The following USP49 variants were observed in gnomAD, a reference collection of about 807,000 sequenced individuals.
USP49 encodes ubiquitin specific peptidase 49.
In USP49, 24 loss-of-function variants were observed where a neutral mutation model predicts 58.6. The ratio of observed to expected loss-of-function variants is 0.41; its 90% CI spans 0.30 to 0.58. The LOEUF is 0.58. USP49 is among the 20% of genes least tolerant of loss of function. The pLI, the probability that USP49 is intolerant of heterozygous loss-of-function variation, is 0.30. For synonymous variants in USP49, 408 were observed against 365.1 expected, an observed-to-expected ratio of 1.12 and a Z score of -1.34; for missense variants, 703 against 866.1, an observed-to-expected ratio of 0.81 and a Z score of 2.36.
intron 3 of USP49, among the ~76,000 whole-genome samples, chr6:41,850,963 G>GA (rs574097023): frequency 4.0e-4 from 61 of 151,866 alleles, no homozygotes; most frequent in Non-Finnish European, 5.6e-4. Context: ...TAGAAAAGCT[G>GA]AAAAAAACCA....
chr6:41,846,772 C>A (rs1052352823), intron 3 of USP49, among the ~76,000 whole-genome samples: 3 of 152,024 alleles, frequency 2.0e-5, no homozygotes, highest in East Asian at 1.9e-4. Flanking sequence ...GGAGGAAACC[C>A]CCCCCATACT....
intron 2 of USP49, among the ~76,000 whole-genome samples, chr6:41,890,061 C>A (rs911283210): frequency 6.6e-6 from 1 of 152,154 alleles, no homozygotes; most frequent in Non-Finnish European, 1.5e-5. Flanking sequence ...ATGCTGGACA[C>A]CTAGTAAACA....
intron 1 of USP49, among the ~76,000 whole-genome samples, chr6:41,894,828 C>T (rs1269448966): frequency 2.0e-5 from 3 of 152,090 alleles, no homozygotes; most frequent in African/African-American, 7.2e-5. Flanking sequence ...CCTTGGCTGG[C>T]TTTTTCTCAC....
intron 2 of USP49, among the ~76,000 whole-genome samples, chr6:41,880,448 C>T (rs1774583726): frequency 1.3e-5 from 2 of 152,182 alleles, no homozygotes; most frequent in Admixed American, 1.3e-4. Flanking sequence ...CTCCAAGCGT[C>T]CAGCATAACA....
chr6:41,848,617 G>C (rs529215763), intron 3 of USP49, among the ~76,000 whole-genome samples: 1 of 152,114 alleles, frequency 6.6e-6, no homozygotes, highest in Non-Finnish European at 1.5e-5. Flanking sequence ...CCCGCACTTT[G>C]GGAGGCCAAG....
chr6:41,851,821 G>A (rs1052847096), intron 3 of USP49, among the ~76,000 whole-genome samples: 2 of 151,518 alleles, frequency 1.3e-5, no homozygotes, highest in African/African-American at 4.9e-5. Flanking sequence ...CAGGCATTGC[G>A]GCGGGCACCT....
intron 2 of USP49, among the ~76,000 whole-genome samples, chr6:41,890,228 C>A (rs1013088251): frequency 2.6e-5 from 4 of 151,204 alleles, no homozygotes; most frequent in Admixed American, 2.0e-4. Context: ...AAATACAAAA[C>A]CTTGGCTGGA....
intron 2 of USP49, among the ~76,000 whole-genome samples, chr6:41,878,341 C>T (rs1480558495): frequency 6.6e-6 from 1 of 152,126 alleles, no homozygotes; most frequent in Non-Finnish European, 1.5e-5. Flanking sequence ...TTTTAACTGA[C>T]AGCTTAATAA....
At chr6:41,881,137 T>C (rs1201752396) in intron 2 of USP49, among the ~76,000 whole-genome samples, 1 of 151,698 alleles carries the variant, frequency 6.6e-6, no homozygotes, top group Non-Finnish European at 1.5e-5. Context: ...TTTCACCATG[T>C]TGGCCAGGCT....
chr6:41,880,763 C>T (rs1774589909), intron 2 of USP49, among the ~76,000 whole-genome samples: 1 of 151,736 alleles, frequency 6.6e-6, no homozygotes, highest in Non-Finnish European at 1.5e-5. Flanking sequence ...ATGCTCCACA[C>T]AAATTAAAAT....
intron 3 of USP49, among the ~76,000 whole-genome samples, chr6:41,851,952 CAAAAAAA>C (rs67716441): frequency 1.6e-4 from 9 of 54,894 alleles, no homozygotes; most frequent in African/African-American, 2.1e-4. Flanking sequence ...AGACTCGTCT[CAAAAAAA>C]AAAAAAAAAA....
At chr6:41,845,004 G>A (rs1347085300) in intron 3 of USP49, among the ~76,000 whole-genome samples, 1 of 151,996 alleles carries the variant, frequency 6.6e-6, no homozygotes, top group Non-Finnish European at 1.5e-5. Context: ...AGGTTCAAGC[G>A]ATTCTCCTGC....
chr6:41,865,512 A>G (rs1173040738), intron 3 of USP49, among the ~76,000 whole-genome samples: 1 of 151,622 alleles, frequency 6.6e-6, no homozygotes, highest in Non-Finnish European at 1.5e-5. Flanking sequence ...GTTTTTATTC[A>G]TTTTTATTTT....
chr6:41,844,047 AAAAT>A (rs1044543281), intron 3 of USP49, among the ~76,000 whole-genome samples: 8 of 151,914 alleles, frequency 5.3e-5, no homozygotes, highest in African/African-American at 1.7e-4. Context: ...TCCATCTCAA[AAAAT>A]AAATAAATAA....
chr6:41,800,168 G>A (rs892548569), intron 5 of USP49, among the ~76,000 whole-genome samples: 1 of 152,184 alleles, frequency 6.6e-6, no homozygotes, highest in Non-Finnish European at 1.5e-5. Context: ...GACTGTGTGG[G>A]ACTCTGCTTA....
intron 3 of USP49, among the ~76,000 whole-genome samples, chr6:41,864,360 C>A (rs1268386453): frequency 6.6e-6 from 1 of 151,876 alleles, no homozygotes; most frequent in East Asian, 1.9e-4. Flanking sequence ...GTCAGGAGTT[C>A]GAGACCGGCC....
chr6:41,890,089 A>C (rs942802272), intron 2 of USP49, among the ~76,000 whole-genome samples: 4 of 152,060 alleles, frequency 2.6e-5, no homozygotes, highest in Non-Finnish European at 5.9e-5. Context: ...ATTGTTAATT[A>C]TTTTTTTTAA....
At chr6:41,867,624 C>T (rs1373068948) in intron 3 of USP49, among the ~76,000 whole-genome samples, 3 of 149,636 alleles carry the variant, frequency 2.0e-5, no homozygotes, top group African/African-American at 4.9e-5. Flanking sequence ...TGGTGGCGAG[C>T]GCCTGTAGTC....
At chr6:41,860,325 AG>A (rs1385540460) in intron 3 of USP49, among the ~76,000 whole-genome samples, 4 of 151,680 alleles carry the variant, frequency 2.6e-5, no homozygotes, top group East Asian at 1.9e-4. Flanking sequence ...AGAGACAGAG[AG>A]AAAAATAATC....
Sources: gnomAD v4.1 joint callset for allele counts (sites outside exome capture counted in the v4.1 genomes callset) on GRCh38, gnomAD v4.1.1 for gene constraint, MANE v1.5 for transcripts, NCBI Gene and HGNC (gene_info 2026-07-23, HGNC 2026-07-21) for gene names.